Variants in ARHGAP35 observed in about 807,000 individuals in gnomAD.
ARHGAP35 encodes the protein rho GTPase-activating protein 35.
Under a neutral mutation model 111.1 loss-of-function variants are expected in ARHGAP35, and 15 were observed. That is an observed-to-expected ratio of 0.13 (90% confidence interval 0.09 to 0.21). ARHGAP35 has a LOEUF of 0.21. ARHGAP35 is among the 10% of genes least tolerant of loss of function. The pLI, the probability that ARHGAP35 is intolerant of heterozygous loss-of-function variation, is 1.00. For missense variants in ARHGAP35, 1,262 were observed against 1,873.0 expected (o/e 0.67, Z 6.02); for synonymous variants, 643 against 710.3 (o/e 0.91, Z 1.51).
chr19:46,878,312 C>T lies in ARHGAP35; in HGVS notation c.-189+17103C>T, dbSNP rs537047309. Among the ~76,000 whole-genome samples the T allele has an allele frequency of 1.5e-3, 223 of 151,972 alleles. 1 individual carries two copies. Among genetic ancestry groups the T allele is most frequent in the African/African-American group, 5.0e-3 (209 of 41,474 alleles). ...TGCTGGGATTACAGGTATGAGCCAT[C>T]GCGCTTGGCCTAATTTTTATTTTTT... On this transcript the variant is annotated intron_variant, in intron 1 of 6. Transcript: ENST00000672722.
chr19:46,927,255 G>A (rs2056243852), intron 2 of ARHGAP35, among the ~76,000 whole-genome samples: 1 of 152,222 alleles, frequency 6.6e-6, no homozygotes, highest in Admixed American at 6.5e-5. Context: ...CCAGCATTGT[G>A]TTGGGTGCCC....
chr19:46,997,318 C>T (rs2056716180), intron 5 of ARHGAP35, among the ~76,000 whole-genome samples: 1 of 152,154 alleles, frequency 6.6e-6, no homozygotes. Context: ...TCAAGTCACA[C>T]TCTCAAGGCC....
intron 1 of ARHGAP35, among the ~76,000 whole-genome samples, chr19:46,869,492 GTGTGTGTGTGTGTGTGTATTTGCAT>G (rs1358243705): frequency 1.3e-5 from 2 of 149,880 alleles, no homozygotes; most frequent in Non-Finnish European, 3.0e-5. Flanking sequence ...GTGTGTGTGT[GTGTGTGTGTGTGTGTGTATTTGCAT>G]TGTGTGTGTG....
chr19:46,953,870 G>A (rs574244965), intron 3 of ARHGAP35, among the ~76,000 whole-genome samples: 4 of 152,236 alleles, frequency 2.6e-5, no homozygotes, highest in South Asian at 2.1e-4. Context: ...ACACGGTGTC[G>A]TGCCTCTGCG....
chr19:46,875,365 A>G (rs746461503), intron 1 of ARHGAP35, among the ~76,000 whole-genome samples: 1 of 152,156 alleles, frequency 6.6e-6, no homozygotes, highest in African/African-American at 2.4e-5. Context: ...GTTCTGTGAC[A>G]TCACCTAGAA....
chr19:46,980,106 C>T lies in ARHGAP35; in HGVS notation c.3827-7883C>T, dbSNP rs980181828. 5.9e-5 allele frequency among the ~76,000 whole-genome samples: 9 copies of T among 152,092 alleles called. No homozygotes were observed. In the South Asian group the frequency reaches 6.2e-4, roughly 11 times the overall value. ...GTTCATAGAAGAGAAAATTGAGGGC[C>T]GGGCGCGGTGTCTCATGCCTGTAAT... On this transcript the variant is annotated intron_variant, in intron 3 of 6. Coordinates refer to ENST00000672722, the MANE Select transcript of ARHGAP35 (RefSeq NM_004491.5).
At chr19:46,874,810 C>CTT (rs537873271) in intron 1 of ARHGAP35, among the ~76,000 whole-genome samples, 8 of 88,170 alleles carry the variant, frequency 9.1e-5, no homozygotes, top group East Asian at 2.9e-4. Context: ...CAGTTTTGTC[C>CTT]TTTTTTTTTT....
rs1253111206 is a variant in ARHGAP35 at position 47,002,579 on chromosome 19, G to A, written c.*1891G>A. On this transcript the variant is annotated 3_prime_UTR_variant, in exon 7 of 7. Transcript: ENST00000672722. ...GACATCTGTGTTTCGTTTTAGCTGA[G>A]GTTGGCAGAAACGTTCCCAAACTCC... is the stretch of plus-strand genomic sequence containing the variant. The A allele has an allele frequency of 6.6e-6, 1 of 152,210 alleles. No individual in the cohort carries two copies. Among genetic ancestry groups the A allele is most frequent in the Non-Finnish European group, 1.5e-5 (1 of 68,054 alleles). 9.4% of individuals were successfully genotyped at this position (152,210 alleles called of 1,614,324 possible).
chr19:46,869,496 G>T (rs1281511650), intron 1 of ARHGAP35, among the ~76,000 whole-genome samples: 1 of 150,068 alleles, frequency 6.7e-6, no homozygotes, highest in East Asian at 1.9e-4. Context: ...GTGTGTGTGT[G>T]TGTGTGTGTG....
chr19:46,880,947 CTTTT>C (rs1206653160), intron 1 of ARHGAP35, among the ~76,000 whole-genome samples: 1 of 113,736 alleles, frequency 8.8e-6, no homozygotes, highest in African/African-American at 3.3e-5. Context: ...AATGAATGTT[CTTTT>C]TTTTTTTTTT....
chr19:46,927,848 C>T (rs2056247416), intron 2 of ARHGAP35, among the ~76,000 whole-genome samples: 1 of 152,120 alleles, frequency 6.6e-6, no homozygotes, highest in Non-Finnish European at 1.5e-5. Flanking sequence ...ACTTCCACTT[C>T]CTGTGGATTT....
intron 3 of ARHGAP35, among the ~76,000 whole-genome samples, chr19:46,950,765 T>G (rs1325250098): frequency 6.6e-6 from 1 of 152,178 alleles, no homozygotes; most frequent in Non-Finnish European, 1.5e-5. Context: ...TTGCATTGAG[T>G]CTGTGGTTTG....
At chr19:46,938,558 G>A (rs980635220) in intron 3 of ARHGAP35, among the ~76,000 whole-genome samples, 1 of 151,826 alleles carries the variant, frequency 6.6e-6, no homozygotes, top group Non-Finnish European at 1.5e-5. Context: ...TTGCCATGTT[G>A]GCCAGGCTGT....
chr19:46,873,353 T>C (rs8107612), intron 1 of ARHGAP35, among the ~76,000 whole-genome samples: 152,144 of 152,218 alleles, frequency 1, 76,035 homozygotes, highest in Middle Eastern at 1. Flanking sequence ...AGGAGCCGGC[T>C]GGGCATGGTG....
chr19:46,962,487 T>C (rs1243389986), intron 3 of ARHGAP35, among the ~76,000 whole-genome samples: 2 of 152,240 alleles, frequency 1.3e-5, no homozygotes, highest in Non-Finnish European at 2.9e-5. Context: ...TTATAGCTTA[T>C]GCTCTTGTGT....
intron 3 of ARHGAP35, among the ~76,000 whole-genome samples, chr19:46,953,242 G>C (rs888610757): frequency 6.6e-6 from 1 of 152,174 alleles, no homozygotes; most frequent in Admixed American, 6.5e-5. Context: ...TTAGTGATTA[G>C]TGTTTGGGAA....
chr19:46,949,182 G>A (rs2056398317), intron 3 of ARHGAP35: 1 of 151,432 alleles, frequency 6.6e-6, no homozygotes, highest in Admixed American at 6.6e-5. Context: ...ATTATCAGAT[G>A]GTATACTTTA....
chr19:46,933,922 T>G (rs1279473905), intron 2 of ARHGAP35, among the ~76,000 whole-genome samples: 1 of 152,236 alleles, frequency 6.6e-6, no homozygotes, highest in African/African-American at 2.4e-5. Context: ...AGCATCATCT[T>G]GTTCCTAGTA....
intron 1 of ARHGAP35, among the ~76,000 whole-genome samples, chr19:46,882,874 G>A (rs868497625): frequency 3.3e-5 from 5 of 152,192 alleles, no homozygotes; most frequent in Middle Eastern, 3.4e-3. Flanking sequence ...TTTATCACTC[G>A]TGTTCACTGG....
Sources: allele counts gnomAD v4.1 joint callset (sites outside exome capture counted in the v4.1 genomes callset), GRCh38; gene constraint gnomAD v4.1.1; transcripts MANE v1.5; gene names NCBI Gene and HGNC (gene_info 2026-07-23, HGNC 2026-07-21).